PRKCE: variants seen among roughly 807,000 people sequenced by gnomAD.
PRKCE encodes the protein protein kinase C epsilon type.
Under a neutral mutation model 85.4 loss-of-function variants are expected in PRKCE, and 16 were observed. That is an observed-to-expected ratio of 0.19 (90% CI 0.13 to 0.28). The LOEUF (loss-of-function observed/expected upper bound fraction) is 0.28. Ranked by LOEUF, PRKCE falls within the 10% of genes least tolerant of loss-of-function variation. The pLI is 1.00. For missense variants in PRKCE, 573 were observed against 975.2 expected (o/e 0.59, Z 5.49); for synonymous variants, 388 against 371.5 (o/e 1.04, Z -0.51).
intron 2 of PRKCE, among the ~76,000 whole-genome samples, chr2:45,925,812 G>A (rs1217239651): frequency 1.3e-5 from 2 of 152,206 alleles, no homozygotes; most frequent in Non-Finnish European, 1.5e-5. Flanking sequence ...AATCATCGTG[G>A]GCTGGGCAAA....
intron 2 of PRKCE, among the ~76,000 whole-genome samples, chr2:45,921,025 G>A (rs1698210897): frequency 6.6e-6 from 1 of 152,230 alleles, no homozygotes; most frequent in Non-Finnish European, 1.5e-5. Context: ...GCCATCAGAA[G>A]AGAGAGTAGC....
At chr2:46,180,131 G>A (rs939210064) in intron 14 of PRKCE, among the ~76,000 whole-genome samples, 5 of 152,232 alleles carry the variant, frequency 3.3e-5, no homozygotes, top group Non-Finnish European at 7.3e-5. Flanking sequence ...AGTTAGGAGA[G>A]ATGGTGAGGG....
chr2:45,818,727 G>T (rs1364667002), intron 1 of PRKCE, among the ~76,000 whole-genome samples: 1 of 152,202 alleles, frequency 6.6e-6, no homozygotes, highest in Non-Finnish European at 1.5e-5. Flanking sequence ...ACACGAGGAG[G>T]TGGAGACCTG....
rs1239410190 is a variant in PRKCE, at chr2:46,061,854, TTTTTC to T, written c.1438-24349_1438-24345del. On this transcript the variant is annotated intron_variant, in intron 10 of 14. Coordinates refer to ENST00000306156, the MANE Select transcript of PRKCE (RefSeq NM_005400.3). Reference sequence around the variant, plus strand: ...TTTTCTTTTCTTTTCTTTTCTTTTCTTTTTCTTTTTTTTTTTTTTTTTTGCAACAG... The same window carrying T: ...TTTTCTTTTCTTTTCTTTTCTTTTCTTTTTTTTTTTTTTTTTTTGCAACAG... Among the ~76,000 whole-genome samples, 302 of 107,142 alleles carry T rather than the reference TTTTTC, an allele frequency of 2.8e-3. 1 individual carries two copies. The highest frequency in any genetic ancestry group is 0.011 in the African/African-American group (262 of 23,752). The allele number at this position is 107,142 out of a possible 152,430, so 70.3% of individuals were successfully genotyped here. A position where few individuals can be genotyped will look rare whatever the true frequency, so the allele number is the denominator to read the frequency against.
chr2:46,105,785 A>C (rs1412240497), intron 11 of PRKCE, among the ~76,000 whole-genome samples: 2 of 152,200 alleles, frequency 1.3e-5, no homozygotes, highest in African/African-American at 2.4e-5. Context: ...CCACAATAGC[A>C]ACAGGAGGTG....
chr2:45,931,537 T>C (rs1699042059), intron 2 of PRKCE, among the ~76,000 whole-genome samples: 1 of 152,210 alleles, frequency 6.6e-6, no homozygotes, highest in Non-Finnish European at 1.5e-5. Flanking sequence ...CCACATGCAT[T>C]CTTTTGCTTC....
intron 11 of PRKCE, among the ~76,000 whole-genome samples, chr2:46,132,718 A>T (rs562815706): frequency 6.6e-6 from 1 of 152,356 alleles, no homozygotes; most frequent in South Asian, 2.1e-4. Context: ...GCGCGCACAA[A>T]CACATTTCTT....
intron 1 of PRKCE, among the ~76,000 whole-genome samples, chr2:45,712,224 T>A (rs570974239): frequency 1.3e-4 from 18 of 138,870 alleles, no homozygotes; most frequent in Non-Finnish European, 2.3e-4. Flanking sequence ...CTCGGCTTAC[T>A]GCAACCTCCA....
rs1038221173 is a variant in PRKCE at position 46,157,617 on chromosome 2, G to A, written c.1921-1989G>A. 5.9e-5 allele frequency among the ~76,000 whole-genome samples: 9 copies of A among 152,270 alleles called. No individual in the cohort carries two copies. The East Asian group carries it at 7.7e-4, about 13-fold the overall frequency. ...CAGAAGTTAGAAGTCGTGCCTAACC[G>A]GTTAACCAGTTCGTGAGGGTGAGAC... On this transcript the variant is annotated intron_variant, in intron 13 of 14. Transcript: ENST00000306156.
chr2:45,921,019 T>A (rs1250968329), intron 2 of PRKCE, among the ~76,000 whole-genome samples: 1 of 152,226 alleles, frequency 6.6e-6, no homozygotes, highest in Non-Finnish European at 1.5e-5. Flanking sequence ...GCTGAAGCCA[T>A]CAGAAGAGAG....
intron 10 of PRKCE, among the ~76,000 whole-genome samples, chr2:46,070,000 A>G (rs1667939463): frequency 6.6e-6 from 1 of 152,212 alleles, no homozygotes; most frequent in Non-Finnish European, 1.5e-5. Flanking sequence ...TCTGCTGTTG[A>G]GTAGCACGTG....
chr2:45,835,896 T>G (rs1035579794), intron 1 of PRKCE, among the ~76,000 whole-genome samples: 1 of 152,146 alleles, frequency 6.6e-6, no homozygotes, highest in Non-Finnish European at 1.5e-5. Flanking sequence ...TGCCCGGTCC[T>G]CATTCTTTTT....
intron 1 of PRKCE, among the ~76,000 whole-genome samples, chr2:45,815,540 T>C (rs1158906000): frequency 6.6e-6 from 1 of 152,194 alleles, no homozygotes; most frequent in Non-Finnish European, 1.5e-5. Flanking sequence ...CTCCATTAGA[T>C]CTCAGTAAAC....
intron 14 of PRKCE, among the ~76,000 whole-genome samples, chr2:46,169,876 G>A (rs1432870026): frequency 6.6e-6 from 1 of 152,190 alleles, no homozygotes; most frequent in South Asian, 2.1e-4. Context: ...ATCACAGGCA[G>A]TGAGCTAAGG....
chr2:45,727,350 G>A (rs71422174), intron 1 of PRKCE, among the ~76,000 whole-genome samples: 17,749 of 152,194 alleles, frequency 0.12, 1,357 homozygotes, highest in Non-Finnish European at 0.16. Flanking sequence ...AAGCAATGGC[G>A]GAATGTTGTG....
chr2:45,683,506 C>A (rs956594087), intron 1 of PRKCE, among the ~76,000 whole-genome samples: 1 of 152,078 alleles, frequency 6.6e-6, no homozygotes, highest in African/African-American at 2.4e-5. Flanking sequence ...TAGTTCTAGA[C>A]CCAACTGTGG....
intron 2 of PRKCE, among the ~76,000 whole-genome samples, chr2:45,850,590 T>C (rs895451929): frequency 2.0e-5 from 3 of 152,240 alleles, no homozygotes; most frequent in African/African-American, 4.8e-5. Flanking sequence ...TTTATTCTTT[T>C]ATCCAGTTGA....
At chr2:46,006,652 C>A (rs953585425) in intron 8 of PRKCE, among the ~76,000 whole-genome samples, 4 of 152,152 alleles carry the variant, frequency 2.6e-5, no homozygotes, top group African/African-American at 7.2e-5. Context: ...CAGAAGAGTG[C>A]GTGTCTTGAT....
At chr2:45,692,898 G>A (rs1350000374) in intron 1 of PRKCE, among the ~76,000 whole-genome samples, 5 of 152,186 alleles carry the variant, frequency 3.3e-5, no homozygotes, top group African/African-American at 1.2e-4. Flanking sequence ...AGCCGTGCAG[G>A]GTGTTTCAAG....
Sources: allele counts gnomAD v4.1 joint callset (sites outside exome capture counted in the v4.1 genomes callset), GRCh38; gene constraint gnomAD v4.1.1; transcripts MANE v1.5; gene names NCBI Gene and HGNC (gene_info 2026-07-23, HGNC 2026-07-21).